Variants in ZNF3 observed in about 807,000 individuals in gnomAD.
ZNF3 encodes zinc finger protein 3.
Under a neutral mutation model 36.9 loss-of-function variants are expected in ZNF3, and 16 were observed. The observed-to-expected ratio is 0.43, with a 90% CI of 0.29 to 0.66. ZNF3 has a LOEUF of 0.66. Ranked by LOEUF, ZNF3 falls within the 30% of genes least tolerant of loss-of-function variation. The pLI is 0.13. For missense variants in ZNF3, 462 were observed against 543.1 expected, an observed-to-expected ratio of 0.85 and a Z score of 1.48; for synonymous variants, 201 against 201.9, an observed-to-expected ratio of 1.00 and a Z score of 0.04.
At chr7:100,077,638 C>A in intron 2 of ZNF3, 1 of 275,904 alleles carries the variant, frequency 3.6e-6, no homozygotes, top group South Asian at 7.2e-5. Flanking sequence ...CCAGGCAGGT[C>A]TGGAACTCCT....
chr7:100,067,649 G>C (rs1335867496), downstream of ZNF3, among the ~76,000 whole-genome samples: 2 of 152,040 alleles, frequency 1.3e-5, no homozygotes, highest in Non-Finnish European at 2.9e-5. Flanking sequence ...CGATTCTCCT[G>C]CCTTACCCTC....
At chr7:100,068,029 C>T (rs1288586316), downstream of ZNF3, among the ~76,000 whole-genome samples, 2 of 152,184 alleles carry the variant, frequency 1.3e-5, no homozygotes, top group Non-Finnish European at 2.9e-5. Flanking sequence ...GGTGTAACTG[C>T]TCTGCAGTCC....
exon 6 of ZNF3, chr7:100,064,582 C>T: frequency 6.2e-7 from 1 of 1,614,186 alleles, no homozygotes; most frequent in Non-Finnish European, 8.5e-7. Context: ...TTCCAAACAT[C>T]AGCGAGTCCA....
upstream of ZNF3, among the ~76,000 whole-genome samples, chr7:100,082,052 G>A (rs1416662076): frequency 6.6e-6 from 1 of 152,162 alleles, no homozygotes; most frequent in Non-Finnish European, 1.5e-5. Context: ...CGGGGATGTC[G>A]AGCCCGCGCT....
intron 2 of ZNF3, 43 bp from the exon 3 acceptor site, chr7:100,077,476 A>T (rs1584451591): frequency 1.3e-6 from 2 of 1,554,264 alleles, no homozygotes; most frequent in East Asian, 2.3e-5. Context: ...ATTCAAAAAA[A>T]CCTCCTGAAT....
chr7:100,077,395 C>T lies in ZNF3; in HGVS notation c.-38G>A. On this transcript the variant is annotated 5_prime_UTR_variant, in exon 3 of 6. Coordinates refer to ENST00000299667, the MANE Select transcript of ZNF3 (RefSeq NM_032924.5). The stretch of plus-strand genomic sequence containing the variant: ...TGCTCTCTGGTCTCCTGGGTGCAGA[C>T]TCAGCGGGAAGCGGGTTTTAAAAGA... The T allele has an allele frequency of 6.2e-7, 1 of 1,613,378 alleles. No homozygotes were observed. Among genetic ancestry groups the T allele is most frequent in the Non-Finnish European group, 8.5e-7 (1 of 1,179,834 alleles).
chr7:100,064,257 C>A (rs557011819), exon 6 of ZNF3: 1 of 1,614,004 alleles, frequency 6.2e-7, no homozygotes, highest in South Asian at 1.1e-5. Flanking sequence ...AGAGAATGCA[C>A]ACAGAAGAGG....
intron 2 of ZNF3, chr7:100,077,922 A>C (rs544151001): frequency 6.6e-6 from 1 of 152,010 alleles, no homozygotes; most frequent in African/African-American, 2.4e-5. Flanking sequence ...TAGAGGTGGG[A>C]TTTCACCATG....
At chr7:100,072,459 G>A (rs1430303027) in intron 5 of ZNF3, among the ~76,000 whole-genome samples, 1 of 152,174 alleles carries the variant, frequency 6.6e-6, no homozygotes, top group Admixed American at 6.6e-5. Flanking sequence ...GTGTGTGGAG[G>A]GGAGGACGGA....
At position 100,071,184 on chromosome 7, in the gene ZNF3, G is replaced by C; in HGVS notation, c.1300C>G (p.Leu434Val). ...LNGIGMSKSSLRVTTELNIRE... is the reference protein window; with the variant it reads ...LNGIGMSKSSVRVTTELNIRE... ...ATATTTAACTCGGTCGTAACTCTGA[G>C]GGAGCTTTTGCTCATGCCGATCCCA... The change falls in exon 6 of 6, where the codon CTC becomes GTC. Residue 434 changes from leucine to valine, a missense_variant. Coordinates refer to ENST00000299667, the MANE Select transcript of ZNF3 (RefSeq NM_032924.5). 1 of 1,609,496 alleles carries C rather than the reference G, an allele frequency of 6.2e-7. No individual in the cohort carries two copies. Among genetic ancestry groups the C allele is most frequent in the South Asian group, 1.1e-5 (1 of 90,700 alleles).
At chr7:100,067,985 G>A (rs934300217), downstream of ZNF3, among the ~76,000 whole-genome samples, 2 of 152,336 alleles carry the variant, frequency 1.3e-5, no homozygotes, top group African/African-American at 4.8e-5. Context: ...GTGGGATCTG[G>A]TTTGAAACAT....
chr7:100,064,094 CTG>C, exon 6 of ZNF3: 2 of 1,614,174 alleles, frequency 1.2e-6, no homozygotes, highest in South Asian at 1.1e-5. Context: ...AGAACACACA[CTG>C]GGGAGAAACC....
rs1200790725 is a variant in ZNF3, at chr7:100,075,258, G to C, written c.148C>G (p.Leu50Val). ...ACAGCTACATCCTCAAAGGTTACCA[G>C]CTCCTGAAACAACACGTGCTGGCAT... ...AALLKAKSQE[L>V]VTFEDVAVYF... The change falls in exon 5 of 6, where the codon CTG becomes GTG. Residue 50 changes from leucine to valine, a missense_variant. Leu to Val is a conservative substitution (Grantham distance 32, BLOSUM62 1). Coordinates refer to ENST00000299667, the MANE Select transcript of ZNF3 (RefSeq NM_032924.5). The C allele has an allele frequency of 6.2e-7, 1 of 1,614,000 alleles. No individual in the cohort carries two copies. The highest frequency in any genetic ancestry group is 8.5e-7 in the Non-Finnish European group (1 of 1,180,026).
At chr7:100,077,240 G>C in intron 3 of ZNF3, 63 bp downstream of exon 3, 3 of 1,603,568 alleles carry the variant, frequency 1.9e-6, no homozygotes. Context: ...TGGTAAGTGA[G>C]CGATTTCAAT....
chr7:100,064,601 A>G (rs776436945), exon 6 of ZNF3: 2 of 1,613,458 alleles, frequency 1.2e-6, no homozygotes, highest in Admixed American at 1.7e-5. Context: ...CACACTGGAG[A>G]GGGAGAAGCA....
At chr7:100,072,582 T>C (rs1793372791) in intron 5 of ZNF3, among the ~76,000 whole-genome samples, 1 of 151,924 alleles carries the variant, frequency 6.6e-6, no homozygotes, top group African/African-American at 2.4e-5. Context: ...ACACAGTGAC[T>C]GCAAGAAGGG....
chr7:100,068,917 A>T (rs1792783132), downstream of ZNF3, among the ~76,000 whole-genome samples: 1 of 151,844 alleles, frequency 6.6e-6, no homozygotes, highest in African/African-American at 2.4e-5. Flanking sequence ...CCTGCATTTA[A>T]GCGATTCTCC....
intron 5 of ZNF3, among the ~76,000 whole-genome samples, chr7:100,072,705 A>T (rs12673441): frequency 0.23 from 34,920 of 152,072 alleles, 4,830 homozygotes; most frequent in East Asian, 0.42. Flanking sequence ...CCCCATAAGA[A>T]GAGCAATCAT....
intron 3 of ZNF3, 79 bp downstream of exon 3, chr7:100,077,224 A>G (rs1794272260): frequency 2.6e-6 from 4 of 1,563,292 alleles, no homozygotes; most frequent in African/African-American, 2.7e-5. Context: ...TAGTTAGCCT[A>G]GTACCTGGTA....
Sources: allele counts gnomAD v4.1 joint callset (sites outside exome capture counted in the v4.1 genomes callset), GRCh38; gene constraint gnomAD v4.1.1; transcripts MANE v1.5; gene names NCBI Gene and HGNC (gene_info 2026-07-23, HGNC 2026-07-21).